VPS13C: variants seen among roughly 807,000 people sequenced by gnomAD.
The protein encoded by VPS13C is intermembrane lipid transfer protein VPS13C.
A neutral mutation model predicts 456.8 loss-of-function variants in VPS13C; 358 were observed. The ratio of observed to expected loss-of-function variants is 0.78; its 90% confidence interval spans 0.72 to 0.86. The LOEUF is 0.86. Among genes scored for constraint, VPS13C ranks in the 40% least tolerant of loss-of-function variants. VPS13C has a pLI of 0.00. For synonymous variants in VPS13C, 1,578 were observed against 1,486.7 expected, an observed-to-expected ratio of 1.06 and a Z score of -1.41; for missense variants, 4,818 against 4,385.4, an observed-to-expected ratio of 1.10 and a Z score of -2.79.
intron 82 of VPS13C, 111 bp downstream of exon 82, chr15:61,863,329 T>C: frequency 1.4e-6 from 1 of 718,564 alleles, no homozygotes; most frequent in Non-Finnish European, 2.3e-6. Context: ...GCCATTCACT[T>C]TGGAGAATTT....
At chr15:61,918,063 A>G in intron 59 of VPS13C, 73 bp downstream of exon 59, 1 of 1,450,178 alleles carries the variant, frequency 6.9e-7, no homozygotes, top group East Asian at 2.5e-5. Context: ...TAATAAAAAT[A>G]TGAAGTTATT....
At chr15:61,935,788 A>T (rs143310137) in intron 48 of VPS13C, 2 of 152,174 alleles carry the variant, frequency 1.3e-5, no homozygotes, top group Admixed American at 1.3e-4. Flanking sequence ...CACCTAGCCT[A>T]ACTATAGGAG....
At chr15:62,017,034 AT>A (rs2047277187) in intron 9 of VPS13C, among the ~76,000 whole-genome samples, 1 of 151,636 alleles carries the variant, frequency 6.6e-6, no homozygotes, top group African/African-American at 2.4e-5. Context: ...GATGATGAGC[AT>A]TTTTTCATGT....
Position 61,913,491 on chromosome 15 carries a change from G to C in VPS13C, c.8446-76C>G, listed in dbSNP as rs561102089. On this transcript the variant is annotated intron_variant, in intron 61 of 84. Coordinates refer to ENST00000644861, the MANE Select transcript of VPS13C (RefSeq NM_020821.3). ...AATTTTATTTGAGAGAAAGTTGCTG[G>C]ACTACTAGAAATTTCTTTAGTACCG... 1.3e-4 allele frequency: 172 copies of C among 1,301,892 alleles called. 1 individual carries two copies. In the African/African-American group the frequency reaches 1.3e-3, roughly 10 times the overall value. 80.6% of individuals were successfully genotyped at this position (1,301,892 alleles called of 1,614,324 possible). A position where few individuals can be genotyped will look rare whatever the true frequency, so the allele number is the denominator to read the frequency against.
At chr15:62,012,644 T>C (rs1202193936) in intron 11 of VPS13C, among the ~76,000 whole-genome samples, 1 of 151,884 alleles carries the variant, frequency 6.6e-6, no homozygotes, top group East Asian at 1.9e-4. Flanking sequence ...ATTCAGAAAA[T>C]CATCACAAAT....
intron 82 of VPS13C, among the ~76,000 whole-genome samples, chr15:61,862,035 G>C (rs921999277): frequency 1.3e-5 from 2 of 152,230 alleles, no homozygotes; most frequent in African/African-American, 2.4e-5. Flanking sequence ...AGGAGGCAGA[G>C]GTTGCAGTGA....
chr15:62,027,595 T>C (rs562327139), intron 6 of VPS13C, among the ~76,000 whole-genome samples: 2 of 152,232 alleles, frequency 1.3e-5, no homozygotes, highest in South Asian at 4.1e-4. Flanking sequence ...GCTTATTGTT[T>C]ACAAATTTCA....
In VPS13C at chr15:62,020,641, A is replaced by C. The variant is rs4143844; in HGVS notation, c.625-103T>G. 82,762 of 1,083,474 alleles carry C rather than the reference A, an allele frequency of 0.076. 3,482 individuals carry two copies. Among genetic ancestry groups the C allele is most frequent in the Non-Finnish European group, 0.088 (66,900 of 758,538 alleles). The allele number at this position is 1,083,474 out of a possible 1,614,324, so 67.1% of individuals were successfully genotyped here. On this transcript the variant is annotated intron_variant, in intron 8 of 84. Transcript: ENST00000644861. Reference sequence around the variant, plus strand: ...GGGAAATGTGTTTACAGGTTAAGCCATACAACCCAAATGGATTTGTGGAAA... The same window carrying C: ...GGGAAATGTGTTTACAGGTTAAGCCCTACAACCCAAATGGATTTGTGGAAA...
At chr15:61,909,637 T>C (rs745536725) in intron 64 of VPS13C, among the ~76,000 whole-genome samples, 4 of 152,230 alleles carry the variant, frequency 2.6e-5, no homozygotes, top group Admixed American at 6.5e-5. Context: ...TTTACTGAAA[T>C]ATCTCAAAGC....
Position 62,016,135 on chromosome 15 carries a change from T to C in VPS13C, c.685-2143A>G, listed in dbSNP as rs545753858. 8.6e-5 allele frequency among the ~76,000 whole-genome samples: 13 copies of C among 151,756 alleles called. No individual in the cohort carries two copies. In the East Asian group the frequency reaches 1.5e-3, roughly 18 times the overall value. On this transcript the variant is annotated intron_variant, in intron 9 of 84. Coordinates refer to ENST00000644861, the MANE Select transcript of VPS13C (RefSeq NM_020821.3). ...CCACATAACCATGTCCTTCTTTTTC[T>C]GTTTCTCTGCCAGTCTACCACCCTA...
chr15:62,059,695 G>A (rs2048924944), intron 1 of VPS13C, among the ~76,000 whole-genome samples: 1 of 152,144 alleles, frequency 6.6e-6, no homozygotes, highest in African/African-American at 2.4e-5. Context: ...CATTTTCACA[G>A]GAGCTGAAAG....
intron 42 of VPS13C, among the ~76,000 whole-genome samples, 195 bp from the exon 43 acceptor site, chr15:61,947,504 C>G (rs775661328): frequency 5.3e-5 from 8 of 151,962 alleles, no homozygotes; most frequent in Non-Finnish European, 1.2e-4. Flanking sequence ...AGCACGTTCC[C>G]CTTCAAATTA....
chr15:61,972,847 G>A, intron 26 of VPS13C, 83 bp from the exon 27 acceptor site: 2 of 1,388,454 alleles, frequency 1.4e-6, no homozygotes, highest in Non-Finnish European at 1.9e-6. Context: ...TCTCTAAAAA[G>A]TGAAATTCAT....
chr15:61,875,435 T>C (rs1895346870), intron 76 of VPS13C, among the ~76,000 whole-genome samples: 1 of 152,044 alleles, frequency 6.6e-6, no homozygotes, highest in African/African-American at 2.4e-5. Flanking sequence ...TTCAGTGCCC[T>C]ATTAGTCCCT....
chr15:62,006,471 A>G (rs1268160691), intron 15 of VPS13C, among the ~76,000 whole-genome samples: 2 of 152,238 alleles, frequency 1.3e-5, no homozygotes, highest in East Asian at 3.9e-4. Context: ...TCCATGGTGT[A>G]TATGTGCCAC....
chr15:61,865,646 G>A (rs1369804465), intron 81 of VPS13C: 2 of 394,396 alleles, frequency 5.1e-6, no homozygotes, highest in Middle Eastern at 1.4e-3. Context: ...ATTTGTATGT[G>A]TGTATATATA....
chr15:61,959,675 G>A, intron 35 of VPS13C, 80 bp from the exon 36 acceptor site: 1 of 1,407,758 alleles, frequency 7.1e-7, no homozygotes, highest in Non-Finnish European at 9.7e-7. Context: ...AAGTCAAGCA[G>A]TTATTTGCTG....
chr15:62,059,379 A>T (rs750604422), intron 1 of VPS13C, among the ~76,000 whole-genome samples: 3 of 152,194 alleles, frequency 2.0e-5, no homozygotes, highest in African/African-American at 7.2e-5. Context: ...TTTTCCTCCA[A>T]AGCTGACAAA....
rs114345245 is a variant in VPS13C at position 61,890,334 on chromosome 15, G to A, written c.9172C>T (p.Arg3058Cys). ...TCGGTGAAAAGCAAAACTCTCTGGC[G>A]CCCATCCAGAAATGATACCCAGTGT... is the stretch of plus-strand genomic sequence containing the variant. ...QIHWVSFLDG[R>C]QRVLLFTDDV... The change falls in exon 67 of 85, where the codon CGC becomes TGC. Residue 3058 changes from arginine (R) to cysteine (C), a missense_variant. Arg to Cys is a radical substitution (Grantham distance 180). This residue lies in a region of VPS13C where 4,552 missense variants were observed against 4,130.6 expected (regional missense o/e 1.10). Transcript: ENST00000644861. The A allele has an allele frequency of 4.8e-5, 78 of 1,613,922 alleles. No homozygotes were observed. The East Asian group carries it at 6.9e-4, about 14-fold the overall frequency.
Sources: allele counts gnomAD v4.1 joint callset (sites outside exome capture counted in the v4.1 genomes callset), GRCh38; gene constraint gnomAD v4.1.1; regional missense constraint gnomAD v4.1.1; transcripts MANE v1.5; gene names NCBI Gene and HGNC (gene_info 2026-07-23, HGNC 2026-07-21).